DAZAP1: variants seen among roughly 807,000 people sequenced by gnomAD.
DAZAP1 encodes the protein DAZ-associated protein 1.
DAZAP1 carries 6 observed loss-of-function variants against 60.1 expected under a neutral mutation model. That is an observed-to-expected ratio of 0.10 (90% CI 0.05 to 0.20). The LOEUF (loss-of-function observed/expected upper bound fraction) is 0.20, where lower values mean the gene tolerates loss of function less well. Among genes scored for constraint, DAZAP1 ranks in the 10% least tolerant of loss-of-function variants. The pLI is 1.00. For missense variants in DAZAP1, 366 were observed against 560.4 expected (o/e 0.65, Z 3.50); for synonymous variants, 235 against 215.9 (o/e 1.09, Z -0.78).
At position 1,430,349 on chromosome 19, in the gene DAZAP1, C is replaced by T. The variant is rs1395081136; in HGVS notation, c.858C>T (p.Ala286=). The change falls in exon 10 of 12, where the codon GCC becomes GCT. Residue 286 remains alanine, a synonymous_variant. Coordinates refer to ENST00000233078, the MANE Select transcript of DAZAP1 (RefSeq NM_018959.4). ...AGGGCTTCCCTCAGGGCTACGGTGC[C>T]CCGCCACAGTTCAGTAAGTCTAGGG... ...PPQGFPQGYG[A]PPQFSFGYGP... is the part of the protein sequence containing the mutation. The T allele has an allele frequency of 7.2e-6, 11 of 1,524,922 alleles. No homozygotes were observed. The highest frequency in any genetic ancestry group is 9.6e-6 in the Non-Finnish European group (11 of 1,142,570). 94.5% of individuals were successfully genotyped at this position (1,524,922 alleles called of 1,614,324 possible).
In DAZAP1 at chr19:1,434,506, CT is replaced by C; in HGVS notation, c.1049-230del. On this transcript the variant is annotated intron_variant, in intron 11 of 11. Coordinates refer to ENST00000233078, the MANE Select transcript of DAZAP1 (RefSeq NM_018959.4). This position sits in a 1 kb window ranked among gnomAD's most constrained non-coding sequence, Gnocchi z 8.0. ...GAGGTTACGTGGGCCATGGAGGGCT[CT>C]GGAAGCCGCTTTTCTCTGTGTGTGC... 1 of 511,896 alleles carries C rather than the reference CT, an allele frequency of 2.0e-6. No homozygotes were observed. Among genetic ancestry groups the C allele is most frequent in the South Asian group, 2.4e-5 (1 of 42,538 alleles). 31.7% of individuals were successfully genotyped at this position (511,896 alleles called of 1,614,324 possible).
chr19:1,430,254 G>GGGCC lies in DAZAP1; in HGVS notation c.763_764insGGCC (p.Ala255GlyfsTer173). The GGGCC allele has an allele frequency of 1.2e-4, 153 of 1,294,738 alleles. No individual in the cohort carries two copies. The highest frequency in any genetic ancestry group is 1.5e-4 in the Non-Finnish European group (141 of 923,604). The allele number at this position is 1,294,738 out of a possible 1,614,324, so 80.2% of individuals were successfully genotyped here. A position where few individuals can be genotyped will look rare whatever the true frequency, so the allele number is the denominator to read the frequency against. Reference sequence around the variant, plus strand: ...TGGACCGCCCCCTGCAGGAAGAGGAGCCCCCCCGCCACCCCCACCGTTCAC... The same window carrying GGGCC: ...TGGACCGCCCCCTGCAGGAAGAGGAGGGCCCCCCCCCGCCACCCCCACCGTTCAC... On this transcript the variant is annotated frameshift_variant, in exon 10 of 12. Coordinates refer to ENST00000233078, the MANE Select transcript of DAZAP1 (RefSeq NM_018959.4). LOFTEE classifies it high-confidence loss of function.
intron 1 of DAZAP1, among the ~76,000 whole-genome samples, chr19:1,409,448 T>C (rs1196908110): frequency 6.6e-6 from 1 of 152,212 alleles, no homozygotes; most frequent in African/African-American, 2.4e-5. Context: ...AGCCTGGGTC[T>C]GGAGGGGTCC....
intron 10 of DAZAP1, among the ~76,000 whole-genome samples, chr19:1,430,659 G>A (rs1433289772): frequency 6.6e-6 from 1 of 152,040 alleles, no homozygotes; most frequent in Non-Finnish European, 1.5e-5. Flanking sequence ...CCTGGACTTC[G>A]TGTCTTAGCC....
Position 1,431,336 on chromosome 19 carries a change from A to G in DAZAP1, c.871+974A>G, listed in dbSNP as rs529157718. Among the ~76,000 whole-genome samples, 725 of 148,030 alleles carry G rather than the reference A, an allele frequency of 4.9e-3. 7 individuals carry two copies. The highest frequency in any genetic ancestry group is 7.3e-3 in the Non-Finnish European group (493 of 67,162). ...AGTAGAGACAGGGTTTCACCGTGTT[A>G]GGCAGGATGGTCTCGATCTCCTGAC... is the stretch of plus-strand genomic sequence containing the variant. On this transcript the variant is annotated intron_variant, in intron 10 of 11. Transcript: ENST00000233078.
At chr19:1,413,594 G>C (rs537566578) in intron 1 of DAZAP1, among the ~76,000 whole-genome samples, 1 of 152,206 alleles carries the variant, frequency 6.6e-6, no homozygotes, top group Non-Finnish European at 1.5e-5. Flanking sequence ...AAGACACATG[G>C]ACACAGGAAG....
intron 1 of DAZAP1, among the ~76,000 whole-genome samples, chr19:1,412,644 C>G (rs534509811): frequency 1.1e-3 from 162 of 152,338 alleles, no homozygotes; most frequent in South Asian, 7.4e-3. Flanking sequence ...TGTGGTCAGC[C>G]TAGGCCAGAG....
In DAZAP1 at chr19:1,433,710, T is replaced by A. The variant is rs1358404109; in HGVS notation, c.1048+1020T>A. 1 of 1,597,342 alleles carries A rather than the reference T, an allele frequency of 6.3e-7. No individual in the cohort carries two copies. Among genetic ancestry groups the A allele is most frequent in the Non-Finnish European group, 8.6e-7 (1 of 1,166,190 alleles). On this transcript the variant is annotated intron_variant, in intron 11 of 11. Transcript: ENST00000233078. This position sits in a 1 kb window ranked among gnomAD's most constrained non-coding sequence, Gnocchi z 6.1. ...CTGCTCTTGGTGGCGGCTGCTTGGG[T>A]TGGTCACCCTGGTCTCGTCTCTTGC...
In DAZAP1 at chr19:1,431,232, C is replaced by T. The variant is rs74702157; in HGVS notation, c.871+870C>T. Among the ~76,000 whole-genome samples, 1,384 of 151,408 alleles carry T rather than the reference C, an allele frequency of 9.1e-3. 28 individuals are homozygous for T. Among genetic ancestry groups the T allele is most frequent in the African/African-American group, 0.032 (1,321 of 41,218 alleles). On this transcript the variant is annotated intron_variant, in intron 10 of 11. Coordinates refer to ENST00000233078, the MANE Select transcript of DAZAP1 (RefSeq NM_018959.4). The stretch of plus-strand genomic sequence containing the variant: ...CAAGCTCCACCTCCTGGGTTCACGC[C>T]ATTCTCCTACCTCAGTCTCCTGAGT...
At chr19:1,424,089 C>G (rs540533842) in intron 6 of DAZAP1, among the ~76,000 whole-genome samples, 1 of 151,864 alleles carries the variant, frequency 6.6e-6, no homozygotes, top group African/African-American at 2.4e-5. Context: ...CCCGCCACCT[C>G]CTCCCTCTTC....
At position 1,422,440 on chromosome 19, in the gene DAZAP1, C is replaced by T; in HGVS notation, c.463+44C>T. 6.3e-7 allele frequency: 1 copy of T among 1,587,944 alleles called. No individual in the cohort carries two copies. Among genetic ancestry groups the T allele is most frequent in the South Asian group, 1.1e-5 (1 of 90,364 alleles). On this transcript the variant is annotated intron_variant, in intron 6 of 11. Transcript: ENST00000233078. This position sits in a 1 kb window ranked among gnomAD's most constrained non-coding sequence, Gnocchi z 4.5. ...TGACCTCGGCCTTCTCCCTGCTCCT[C>T]CCTCAGATGGCAAACTATCTCACCC... is the stretch of plus-strand genomic sequence containing the variant.
chr19:1,415,388 TGTTTTG>T (rs1569048284), intron 1 of DAZAP1, among the ~76,000 whole-genome samples: 3 of 145,032 alleles, frequency 2.1e-5, no homozygotes, highest in African/African-American at 7.7e-5. Flanking sequence ...TGTGTGTGTG[TGTTTTG>T]TTTTTTTTTT....
At position 1,434,074 on chromosome 19, in the gene DAZAP1, GGT is replaced by G; in HGVS notation, c.1049-659_1049-658del. 1 of 553,544 alleles carries G rather than the reference GGT, an allele frequency of 1.8e-6. No homozygotes were observed. The allele number at this position is 553,544 out of a possible 1,614,324, so 34.3% of individuals were successfully genotyped here. On this transcript the variant is annotated intron_variant, in intron 11 of 11. Coordinates refer to ENST00000233078, the MANE Select transcript of DAZAP1 (RefSeq NM_018959.4). This position sits in a 1 kb window ranked among gnomAD's most constrained non-coding sequence, Gnocchi z 8.0. ...AGGTCGTGGGAGGGGCTTCCTGCAA[GGT>G]GTGCAGCGGGGTGGGGAGCGGCGTG...
At chr19:1,430,787 C>T (rs1018097371) in intron 10 of DAZAP1, among the ~76,000 whole-genome samples, 3 of 150,068 alleles carry the variant, frequency 2.0e-5, no homozygotes, top group African/African-American at 4.9e-5. Context: ...GTGGCGCAAT[C>T]GCGGCTCACT....
rs1033249067 is a variant in DAZAP1 at position 1,434,447 on chromosome 19, C to A, written c.1049-290C>A. ...GCTTCTCTACCTCCCCTCACCCCCC[C>A]AACCACGTCTTCGGGATTGAACAGG... On this transcript the variant is annotated intron_variant, in intron 11 of 11. Coordinates refer to ENST00000233078, the MANE Select transcript of DAZAP1 (RefSeq NM_018959.4). This position sits in a 1 kb window ranked among gnomAD's most constrained non-coding sequence, Gnocchi z 8.0. 54 of 371,320 alleles carry A rather than the reference C, an allele frequency of 1.5e-4. No individual in the cohort carries two copies. The highest frequency in any genetic ancestry group is 1.1e-3 in the African/African-American group (52 of 46,638). The allele number at this position is 371,320 out of a possible 1,614,324, so 23.0% of individuals were successfully genotyped here. A position where few individuals can be genotyped will look rare whatever the true frequency, so the allele number is the denominator to read the frequency against.
Position 1,423,139 on chromosome 19 carries a change from G to C in DAZAP1, c.463+743G>C, listed in dbSNP as rs893856901. Among the ~76,000 whole-genome samples the C allele has an allele frequency of 1.3e-5, 2 of 151,940 alleles. No homozygotes were observed. The highest frequency in any genetic ancestry group is 2.4e-5 in the African/African-American group (1 of 41,426). ...TGCCCGCCACGTCCGTGCCGCCCCC[G>C]CACCACCGGCCCAGGTCAGTCGGGG... On this transcript the variant is annotated intron_variant, in intron 6 of 11. Transcript: ENST00000233078. The surrounding 1 kb of genome is among the most constrained non-coding windows in gnomAD (Gnocchi z 6.8).
rs2083543505 is a variant in DAZAP1 at position 1,434,470 on chromosome 19, AG to A, written c.1049-264del. The A allele has an allele frequency of 2.4e-6, 1 of 418,720 alleles. No individual in the cohort carries two copies. Among genetic ancestry groups the A allele is most frequent in the Admixed American group, 4.3e-5 (1 of 23,364 alleles). The allele number at this position is 418,720 out of a possible 1,614,324, so 25.9% of individuals were successfully genotyped here. On this transcript the variant is annotated intron_variant, in intron 11 of 11. Transcript: ENST00000233078. The surrounding 1 kb of genome is among the most constrained non-coding windows in gnomAD (Gnocchi z 8.0). ...CCCAACCACGTCTTCGGGATTGAACAGGGAAGCGGTGAGGTTACGTGGGCCA... is the reference window on the plus strand; with the variant it reads ...CCCAACCACGTCTTCGGGATTGAACAGGAAGCGGTGAGGTTACGTGGGCCA...
At chr19:1,412,881 A>G (rs1323811928) in intron 1 of DAZAP1, among the ~76,000 whole-genome samples, 1 of 152,196 alleles carries the variant, frequency 6.6e-6, no homozygotes, top group African/African-American at 2.4e-5. Context: ...GGCAGACTGC[A>G]CGCTGGACTC....
chr19:1,407,960 G>A (rs1298577365), intron 1 of DAZAP1, among the ~76,000 whole-genome samples, 158 bp downstream of exon 1: 4 of 151,634 alleles, frequency 2.6e-5, no homozygotes, highest in African/African-American at 9.7e-5. Flanking sequence ...TCGCGCCGGG[G>A]GCCCTGGACG....
Sources: allele counts gnomAD v4.1 joint callset (sites outside exome capture counted in the v4.1 genomes callset), GRCh38; gene constraint gnomAD v4.1.1; non-coding constraint Gnocchi (gnomAD v3.1); transcripts MANE v1.5; gene names NCBI Gene and HGNC (gene_info 2026-07-23, HGNC 2026-07-21).